The following LHX4 variants were observed in gnomAD, a reference collection of about 807,000 sequenced individuals.
The protein encoded by LHX4 is LIM/homeobox protein Lhx4.
A neutral mutation model predicts 39.2 loss-of-function variants in LHX4; 16 were observed. The observed-to-expected ratio is 0.41, with a 90% CI of 0.28 to 0.62. The LOEUF is 0.62. Among genes scored for constraint, LHX4 ranks in the 20% least tolerant of loss-of-function variants. LHX4 has a pLI of 0.33. For missense variants in LHX4, 439 were observed against 511.9 expected (o/e 0.86, Z 1.37); for synonymous variants, 206 against 198.1 (o/e 1.04, Z -0.33).
intron 1 of LHX4, among the ~76,000 whole-genome samples, chr1:180,239,440 C>G (rs889930263): frequency 6.6e-6 from 1 of 152,226 alleles, no homozygotes; most frequent in Non-Finnish European, 1.5e-5. Context: ...CCCCATTTGG[C>G]GTCTCCTTTC....
chr1:180,265,246 C>T (rs1476955625), intron 2 of LHX4, among the ~76,000 whole-genome samples: 2 of 152,194 alleles, frequency 1.3e-5, no homozygotes, highest in Non-Finnish European at 2.9e-5. Flanking sequence ...GTCTTTCATC[C>T]TGAAGAAGAT....
chr1:180,256,269 G>A (rs1362416397), intron 2 of LHX4, among the ~76,000 whole-genome samples: 1 of 152,168 alleles, frequency 6.6e-6, no homozygotes, highest in Non-Finnish European at 1.5e-5. Context: ...ATCCTGGCTG[G>A]GCATTCAAGG....
intron 1 of LHX4, among the ~76,000 whole-genome samples, chr1:180,231,696 C>G (rs940038090): frequency 6.6e-6 from 1 of 151,974 alleles, no homozygotes; most frequent in Non-Finnish European, 1.5e-5. Flanking sequence ...CTTCCGCCTG[C>G]GACTTCTTTA....
In LHX4 at chr1:180,274,672, C is replaced by A; in HGVS notation, c.*93C>A. On this transcript the variant is annotated 3_prime_UTR_variant, in exon 6 of 6. Transcript: ENST00000263726. ...TTGCCTTTTAAGGATCGAAAGTACG[C>A]CAATGTGAATTTCCATTATTTTCAA... 1.4e-6 allele frequency: 2 copies of A among 1,380,412 alleles called. No individual in the cohort carries two copies. The highest frequency in any genetic ancestry group is 2.0e-6 in the Non-Finnish European group (2 of 1,025,594). The allele number at this position is 1,380,412 out of a possible 1,614,324, so 85.5% of individuals were successfully genotyped here.
chr1:180,250,974 A>T (rs7541647), intron 2 of LHX4, among the ~76,000 whole-genome samples: 195 of 152,136 alleles, frequency 1.3e-3, no homozygotes, highest in African/African-American at 4.4e-3. Flanking sequence ...CACTGCCCCA[A>T]GCCCTGGCCC....
chr1:180,269,144 G>T (rs114539512), intron 3 of LHX4, among the ~76,000 whole-genome samples: 2,081 of 40,564 alleles, frequency 0.051, 35 homozygotes, highest in East Asian at 0.16. Flanking sequence ...AGTGTGTGGG[G>T]GGGGGGGTGG....
At chr1:180,258,270 G>A (rs930454925) in intron 2 of LHX4, among the ~76,000 whole-genome samples, 1 of 152,242 alleles carries the variant, frequency 6.6e-6, no homozygotes, top group Non-Finnish European at 1.5e-5. Flanking sequence ...GGGGACCACT[G>A]CAGGAAATGC....
At chr1:180,238,901 C>A (rs372615285) in intron 1 of LHX4, among the ~76,000 whole-genome samples, 1 of 152,162 alleles carries the variant, frequency 6.6e-6, no homozygotes, top group South Asian at 2.1e-4. Context: ...GTTTTCCCTG[C>A]GTGGGGACTG....
intron 2 of LHX4, among the ~76,000 whole-genome samples, chr1:180,249,392 G>A (rs753005103): frequency 1.3e-5 from 2 of 152,216 alleles, no homozygotes; most frequent in Non-Finnish European, 2.9e-5. Context: ...CCAAGGCAGT[G>A]ATGTTGGTGC....
At chr1:180,253,957 C>T (rs1647736896) in intron 2 of LHX4, among the ~76,000 whole-genome samples, 1 of 152,138 alleles carries the variant, frequency 6.6e-6, no homozygotes, top group African/African-American at 2.4e-5. Context: ...AGAAACCTGC[C>T]ATGTGGATCT....
At chr1:180,259,311 A>G (rs1648005043) in intron 2 of LHX4, among the ~76,000 whole-genome samples, 1 of 152,164 alleles carries the variant, frequency 6.6e-6, no homozygotes, top group African/African-American at 2.4e-5. Context: ...GGAGGCAGGC[A>G]GGGATCATAG....
At chr1:180,264,108 G>T (rs1018889187) in intron 2 of LHX4, among the ~76,000 whole-genome samples, 1 of 152,054 alleles carries the variant, frequency 6.6e-6, no homozygotes, top group African/African-American at 2.4e-5. Context: ...GGGACTACAG[G>T]TGCACACCAC....
At position 180,234,201 on chromosome 1, in the gene LHX4, ATATATATATATATATAT is replaced by A. The variant is rs1371770141; in HGVS notation, c.76+3597_76+3613del. On this transcript the variant is annotated intron_variant, in intron 1 of 5. Coordinates refer to ENST00000263726, the MANE Select transcript of LHX4 (RefSeq NM_033343.4). The surrounding 1 kb of genome is among the most constrained non-coding windows in gnomAD (Gnocchi z 4.8). ...TATATATATATATATATATATATAT[ATATATATATATATATAT>A]ATAATAGATTGAGATTCTATCATAT... Among the ~76,000 whole-genome samples the A allele has an allele frequency of 2.4e-5, 2 of 81,962 alleles. No individual in the cohort carries two copies. The highest frequency in any genetic ancestry group is 4.5e-4 in the South Asian group (1 of 2,210). 53.8% of individuals were successfully genotyped at this position (81,962 alleles called of 152,430 possible). A position where few individuals can be genotyped will look rare whatever the true frequency, so the allele number is the denominator to read the frequency against.
chr1:180,229,972 G>GCGGGGGGT (rs1558204981), upstream of LHX4, among the ~76,000 whole-genome samples: 1 of 143,516 alleles, frequency 7.0e-6, no homozygotes. Context: ...GGAGGGGGGG[G>GCGGGGGGT]GGGTGCCGGC....
chr1:180,249,868 C>CAT (rs553388172), intron 2 of LHX4, among the ~76,000 whole-genome samples: 1 of 115,200 alleles, frequency 8.7e-6, no homozygotes, highest in African/African-American at 4.1e-5. Flanking sequence ...CTGCTCCCTA[C>CAT]GTGTGTGTGC....
chr1:180,247,491 G>A (rs1224929503), intron 1 of LHX4, among the ~76,000 whole-genome samples: 2 of 152,186 alleles, frequency 1.3e-5, no homozygotes, highest in Non-Finnish European at 2.9e-5. Context: ...CCTCCGCCGT[G>A]ACGCACACCA....
intron 2 of LHX4, among the ~76,000 whole-genome samples, chr1:180,255,212 C>G (rs1423026528): frequency 6.6e-6 from 1 of 152,250 alleles, no homozygotes; most frequent in Non-Finnish European, 1.5e-5. Context: ...CAGAAAGAGG[C>G]AGCCTCAGTT....
At chr1:180,245,414 C>A (rs1298414409) in intron 1 of LHX4, among the ~76,000 whole-genome samples, 5 of 152,176 alleles carry the variant, frequency 3.3e-5, no homozygotes, top group African/African-American at 1.2e-4. Context: ...CCCCTGATGG[C>A]CCCTGGAGGG....
chr1:180,250,720 C>T (rs1033776677), intron 2 of LHX4, among the ~76,000 whole-genome samples: 2 of 152,156 alleles, frequency 1.3e-5, no homozygotes, highest in South Asian at 4.1e-4. Context: ...CCTCAGGGCC[C>T]TGTCTGATTT....
Sources: gnomAD v4.1 joint callset for allele counts (sites outside exome capture counted in the v4.1 genomes callset) on GRCh38, gnomAD v4.1.1 for gene constraint, Gnocchi (gnomAD v3.1) non-coding constraint, MANE v1.5 for transcripts, NCBI Gene and HGNC (gene_info 2026-07-23, HGNC 2026-07-21) for gene names.